Variants in EDA2R observed in about 807,000 individuals in gnomAD.
The protein encoded by EDA2R is ectodysplasin A2 receptor, also known as tumor necrosis factor receptor superfamily member 27.
EDA2R carries 26 observed loss-of-function variants against 20.1 expected under a neutral mutation model. The ratio of observed to expected loss-of-function variants is 1.30; its 90% CI spans 0.95 to 1.80. The LOEUF (loss-of-function observed/expected upper bound fraction) is 1.80. Ranked by LOEUF, EDA2R falls within the 40% of genes most tolerant of loss-of-function variation. The probability of loss-of-function intolerance (pLI) is 0.00; values close to 1 mark genes in which losing one functional copy is unlikely to be tolerated. For missense variants in EDA2R, 277 were observed against 228.7 expected (o/e 1.21, Z -1.36); for synonymous variants, 114 against 88.7 (o/e 1.29, Z -1.60).
Position 66,604,403 on chromosome X carries a change from A to T in EDA2R, c.352+18T>A, listed in dbSNP as rs370843066. ...CAATGGGATGAGGAGAAAGGGAAGAAGAGAACTGGGTACACACATTGAACC... is the reference window on the plus strand; with the variant it reads ...CAATGGGATGAGGAGAAAGGGAAGATGAGAACTGGGTACACACATTGAACC... On this transcript the variant is annotated intron_variant, in intron 4 of 6. Coordinates refer to ENST00000374719, the MANE Select transcript of EDA2R (RefSeq NM_021783.5). 2.3e-5 allele frequency: 28 copies of T among 1,192,511 alleles called. No individual in the cohort carries two copies. Among genetic ancestry groups the T allele is most frequent in the Middle Eastern group, 4.7e-4 (2 of 4,300 alleles).
intron 6 of EDA2R, 54 bp downstream of exon 6, chrX:66,599,420 C>G: frequency 2.8e-6 from 3 of 1,061,349 alleles, no homozygotes; most frequent in Non-Finnish European, 3.7e-6. Context: ...GAGGTTAGTC[C>G]TTAATTTCTG....
At chrX:66,605,659 T>C (rs1186068653) in intron 2 of EDA2R, among the ~76,000 whole-genome samples, 1 of 111,956 alleles carries the variant, frequency 8.9e-6, no homozygotes, top group Non-Finnish European at 1.9e-5. Flanking sequence ...CATTGTGAAC[T>C]GCGTACAAGC....
At chrX:66,634,159 G>A (rs765744280) in intron 1 of EDA2R, among the ~76,000 whole-genome samples, 1 of 112,030 alleles carries the variant, frequency 8.9e-6, no homozygotes, top group East Asian at 2.8e-4. Flanking sequence ...AATACAATGA[G>A]AACTATAGAA....
intron 2 of EDA2R, among the ~76,000 whole-genome samples, chrX:66,608,749 G>T (rs1179702881): frequency 9.0e-6 from 1 of 111,678 alleles, no homozygotes; most frequent in African/African-American, 3.3e-5. Context: ...AATATCTCTG[G>T]TAAAGGTGAC....
intron 1 of EDA2R, among the ~76,000 whole-genome samples, chrX:66,636,317 T>C (rs770127625): frequency 3.6e-5 from 4 of 111,945 alleles, no homozygotes; most frequent in African/African-American, 1.3e-4. Context: ...CCAATTTATA[T>C]ACTTCAAAAC....
intron 2 of EDA2R, among the ~76,000 whole-genome samples, chrX:66,610,026 A>G (rs1930440590): frequency 9.0e-6 from 1 of 111,724 alleles, no homozygotes; most frequent in African/African-American, 3.3e-5. Flanking sequence ...AAGGAAAGAT[A>G]GATATAATTA....
chrX:66,611,304 C>T (rs1445859975), intron 2 of EDA2R, among the ~76,000 whole-genome samples: 1 of 111,251 alleles, frequency 9.0e-6, no homozygotes, highest in African/African-American at 3.3e-5. Flanking sequence ...CAACGAAAAA[C>T]CACCCATGAT....
At chrX:66,618,358 C>T (rs1027480934) in intron 1 of EDA2R, among the ~76,000 whole-genome samples, 7 of 112,251 alleles carry the variant, frequency 6.2e-5, no homozygotes, top group African/African-American at 2.3e-4. Context: ...AATGTCATTA[C>T]CTAGGGAGAA....
At chrX:66,622,795 C>T (rs1299118576) in intron 1 of EDA2R, among the ~76,000 whole-genome samples, 2 of 112,118 alleles carry the variant, frequency 1.8e-5, no homozygotes, top group Non-Finnish European at 3.8e-5. Flanking sequence ...CTGAACTGAC[C>T]CAAGGCCACT....
In EDA2R at chrX:66,599,553, C is replaced by T. The variant is rs754317580; in HGVS notation, c.825G>A (p.Gly275=). Residue 275 remains glycine (G), a synonymous_variant, in exon 6 of 7, where the codon GGG becomes GGA. Coordinates refer to ENST00000374719, the MANE Select transcript of EDA2R (RefSeq NM_021783.5). ...CTCCAGTGCTTTCGACTGTGTTTCC[C>T]CCCAAGGTCTCAGCTCCAGTATAGG... is the stretch of plus-strand genomic sequence containing the variant. ...SASYTGAETL[G]GNTVESTGDR... The T allele has an allele frequency of 1.4e-4, 167 of 1,187,808 alleles. No homozygotes were observed. The highest frequency in any genetic ancestry group is 1.4e-3 in the Middle Eastern group (6 of 4,321).
intron 1 of EDA2R, among the ~76,000 whole-genome samples, chrX:66,617,704 C>G (rs972673800): frequency 9.0e-6 from 1 of 110,736 alleles, no homozygotes; most frequent in Non-Finnish European, 1.9e-5. Context: ...AGCTCCACCC[C>G]CCTAATAAAC....
chrX:66,620,415 C>T (rs1932407456), intron 1 of EDA2R, among the ~76,000 whole-genome samples: 2 of 111,391 alleles, frequency 1.8e-5, no homozygotes, highest in Admixed American at 1.9e-4. Flanking sequence ...AAATCGGACC[C>T]CTACCTCATA....
At chrX:66,620,591 T>A (rs1159490286) in intron 1 of EDA2R, among the ~76,000 whole-genome samples, 1 of 111,288 alleles carries the variant, frequency 9.0e-6, no homozygotes, top group Non-Finnish European at 1.9e-5. Context: ...GATTAGGAAG[T>A]AGTTGCTTAG....
intron 1 of EDA2R, among the ~76,000 whole-genome samples, chrX:66,636,964 A>C (rs1602350233): frequency 9.1e-6 from 1 of 109,355 alleles, no homozygotes; most frequent in African/African-American, 3.3e-5. Flanking sequence ...ACACACACAC[A>C]CACCCCACAT....
At chrX:66,610,272 A>AACACACACACAC (rs10657734) in intron 2 of EDA2R, among the ~76,000 whole-genome samples, 69 of 87,444 alleles carry the variant, frequency 7.9e-4, no homozygotes, top group East Asian at 1.1e-3. Context: ...CAGATACACA[A>AACACACACACAC]ACACACACAC....
intron 1 of EDA2R, among the ~76,000 whole-genome samples, chrX:66,617,891 C>T (rs1050101475): frequency 9.3e-5 from 9 of 96,554 alleles, no homozygotes; most frequent in Non-Finnish European, 1.8e-4. Context: ...TTCTTTCTCT[C>T]TCTCTCTCCT....
At chrX:66,600,863 C>T (rs1486372598) in intron 5 of EDA2R, among the ~76,000 whole-genome samples, 1 of 111,892 alleles carries the variant, frequency 8.9e-6, no homozygotes, top group Non-Finnish European at 1.9e-5. Flanking sequence ...TCTGAATTCT[C>T]TTGAAAATGT....
intron 2 of EDA2R, among the ~76,000 whole-genome samples, chrX:66,610,370 G>A: frequency 9.2e-6 from 1 of 108,882 alleles, no homozygotes; most frequent in East Asian, 2.9e-4. Flanking sequence ...ACCATGCCTA[G>A]AACATAGTAA....
chrX:66,599,053 A>G (rs1405973143), intron 6 of EDA2R, among the ~76,000 whole-genome samples: 4 of 112,216 alleles, frequency 3.6e-5, no homozygotes, highest in Non-Finnish European at 7.5e-5. Flanking sequence ...AGTGACATAC[A>G]CACAAGGTTT....
Sources: allele counts gnomAD v4.1 joint callset (sites outside exome capture counted in the v4.1 genomes callset), GRCh38; gene constraint gnomAD v4.1.1; transcripts MANE v1.5; gene names NCBI Gene and HGNC (gene_info 2026-07-23, HGNC 2026-07-21).